The following NWD2 variants were observed in gnomAD, a reference collection of about 807,000 sequenced individuals.
NWD2 encodes the protein NACHT and WD repeat domain containing 2, also known as NACHT and WD repeat domain-containing protein 2.
A neutral mutation model predicts 132.7 loss-of-function variants in NWD2; 37 were observed. That is an observed-to-expected ratio of 0.28 (90% CI 0.21 to 0.37). NWD2 has a LOEUF of 0.37. NWD2 is among the 10% of genes least tolerant of loss of function. The probability of loss-of-function intolerance (pLI) is 1.00; values close to 1 mark genes in which losing one functional copy is unlikely to be tolerated. For synonymous variants in NWD2, 705 were observed against 803.0 expected (o/e 0.88, Z 2.06); for missense variants, 1,592 against 2,122.4 (o/e 0.75, Z 4.91).
chr4:37,433,191 A>G (rs548819404), intron 4 of NWD2, among the ~76,000 whole-genome samples: 6 of 152,358 alleles, frequency 3.9e-5, no homozygotes, highest in Non-Finnish European at 8.8e-5. Context: ...ACCATTTCCC[A>G]GTTAAAGATG....
At chr4:37,358,374 C>G (rs969878815) in intron 3 of NWD2, among the ~76,000 whole-genome samples, 4 of 148,752 alleles carry the variant, frequency 2.7e-5, no homozygotes, top group Non-Finnish European at 5.9e-5. Flanking sequence ...GAACGAACAC[C>G]GAAAAACAGT....
intron 1 of NWD2, among the ~76,000 whole-genome samples, chr4:37,299,900 A>G (rs573738951): frequency 6.6e-6 from 1 of 152,138 alleles, no homozygotes; most frequent in South Asian, 2.1e-4. Flanking sequence ...AATTTTCAGC[A>G]CACAGAGAAA....
intron 6 of NWD2, among the ~76,000 whole-genome samples, chr4:37,440,680 C>A (rs1191253051): frequency 6.6e-6 from 1 of 152,160 alleles, no homozygotes; most frequent in Non-Finnish European, 1.5e-5. Context: ...AGACTAGCAG[C>A]GGGTAATCTG....
At chr4:37,322,126 G>A (rs1026915880) in intron 1 of NWD2, among the ~76,000 whole-genome samples, 9 of 152,196 alleles carry the variant, frequency 5.9e-5, no homozygotes, top group African/African-American at 1.7e-4. Context: ...ACTGGCGCAT[G>A]TGTGGCTTTT....
At chr4:37,324,043 C>T (rs1168289634) in intron 1 of NWD2, among the ~76,000 whole-genome samples, 4 of 151,932 alleles carry the variant, frequency 2.6e-5, no homozygotes, top group South Asian at 2.1e-4. Flanking sequence ...CAGCTAGTGG[C>T]GAGAGGAAGG....
chr4:37,289,621 A>G (rs770453871), intron 1 of NWD2, among the ~76,000 whole-genome samples: 2 of 152,174 alleles, frequency 1.3e-5, no homozygotes, highest in African/African-American at 2.4e-5. Context: ...ACACTTCAAT[A>G]TTTGTTTACG....
chr4:37,440,799 C>T (rs1158998681), intron 6 of NWD2, among the ~76,000 whole-genome samples: 4 of 152,222 alleles, frequency 2.6e-5, no homozygotes, highest in African/African-American at 9.7e-5. Context: ...TCAGCCTAAA[C>T]AGGATGAAAC....
In NWD2 at chr4:37,352,953, C is replaced by T. The variant is rs902786089; in HGVS notation, c.241-3413C>T. On this transcript the variant is annotated intron_variant, in intron 2 of 6. Coordinates refer to ENST00000309447, the MANE Select transcript of NWD2 (RefSeq NM_001144990.2). ...GATGCAGTTTCTTCATAGTGTCAAT[C>T]GTCTTTACAATTTGGTATGTTTTTA... is the stretch of plus-strand genomic sequence containing the variant. 5.3e-5 allele frequency among the ~76,000 whole-genome samples: 8 copies of T among 152,082 alleles called. No individual in the cohort carries two copies. The East Asian group carries it at 1.2e-3, about 22-fold the overall frequency.
intron 3 of NWD2, among the ~76,000 whole-genome samples, chr4:37,408,071 C>G (rs1485538505): frequency 3.9e-5 from 6 of 152,212 alleles, no homozygotes; most frequent in African/African-American, 1.4e-4. Context: ...CATCAGGGCC[C>G]TGGGTTTCAA....
intron 3 of NWD2, among the ~76,000 whole-genome samples, chr4:37,396,710 A>G (rs1186899013): frequency 6.6e-6 from 1 of 152,132 alleles, no homozygotes; most frequent in Non-Finnish European, 1.5e-5. Context: ...CCTTGATGAG[A>G]GAAGTGGAAC....
intron 1 of NWD2, among the ~76,000 whole-genome samples, chr4:37,310,085 A>G (rs1230377580): frequency 6.6e-6 from 1 of 152,184 alleles, no homozygotes; most frequent in East Asian, 1.9e-4. Flanking sequence ...CCATTGTCAC[A>G]TTGAGTAGGG....
chr4:37,283,837 G>A (rs141011143), intron 1 of NWD2, among the ~76,000 whole-genome samples: 1 of 152,290 alleles, frequency 6.6e-6, no homozygotes, highest in Admixed American at 6.5e-5. Flanking sequence ...GCTCTTGAGT[G>A]AGGTCAGGAA....
intron 3 of NWD2, among the ~76,000 whole-genome samples, chr4:37,364,763 G>A (rs1720062731): frequency 6.6e-6 from 1 of 151,240 alleles, no homozygotes; most frequent in African/African-American, 2.4e-5. Flanking sequence ...ACAGAGAATG[G>A]GTCATGCTCA....
At chr4:37,356,575 G>A in intron 3 of NWD2, 93 bp downstream of exon 3, 1 of 790,618 alleles carries the variant, frequency 1.3e-6, no homozygotes, top group Non-Finnish European at 2.0e-6. Context: ...TTTTAAATGA[G>A]GGGGAAAAAG....
intron 3 of NWD2, among the ~76,000 whole-genome samples, chr4:37,405,325 G>T (rs1577692776): frequency 6.6e-6 from 1 of 152,152 alleles, no homozygotes; most frequent in African/African-American, 2.4e-5. Context: ...TTTCTTGGGA[G>T]GATTATACAT....
At chr4:37,296,170 G>T (rs986500125) in intron 1 of NWD2, among the ~76,000 whole-genome samples, 2 of 152,014 alleles carry the variant, frequency 1.3e-5, no homozygotes, top group Non-Finnish European at 2.9e-5. Flanking sequence ...ACCATTTCAC[G>T]TGGCCCCCAA....
intron 1 of NWD2, among the ~76,000 whole-genome samples, chr4:37,285,687 T>A (rs1171813897): frequency 6.6e-6 from 1 of 152,172 alleles, no homozygotes; most frequent in Non-Finnish European, 1.5e-5. Flanking sequence ...TTAGGTTTGG[T>A]TAATATATTT....
chr4:37,367,791 C>CT (rs1336950237), intron 3 of NWD2, among the ~76,000 whole-genome samples: 5 of 152,136 alleles, frequency 3.3e-5, no homozygotes, highest in African/African-American at 1.2e-4. Context: ...TTCTCCGTCT[C>CT]TATCAGTGAG....
chr4:37,334,102 A>G (rs1333805525), intron 2 of NWD2, among the ~76,000 whole-genome samples: 1 of 152,184 alleles, frequency 6.6e-6, no homozygotes, highest in Non-Finnish European at 1.5e-5. Flanking sequence ...AATTGTTGGC[A>G]TTAAAGAGGA....
Sources: gnomAD v4.1 joint callset for allele counts (sites outside exome capture counted in the v4.1 genomes callset) on GRCh38, gnomAD v4.1.1 for gene constraint, MANE v1.5 for transcripts, NCBI Gene and HGNC (gene_info 2026-07-23, HGNC 2026-07-21) for gene names.